The following SKAP1 variants were observed in gnomAD, a reference collection of about 807,000 sequenced individuals.
SKAP1 encodes src kinase associated phosphoprotein 1.
In SKAP1, 44 loss-of-function variants were observed where a neutral mutation model predicts 58.5. The observed-to-expected ratio is 0.75, with a 90% CI of 0.59 to 0.97. SKAP1 has a LOEUF of 0.97. Ranked by LOEUF, SKAP1 falls within the 50% of genes least tolerant of loss-of-function variation. The pLI, the probability that SKAP1 is intolerant of heterozygous loss-of-function variation, is 0.00. For synonymous variants in SKAP1, 127 were observed against 149.7 expected (o/e 0.85, Z 1.11); for missense variants, 390 against 435.2 (o/e 0.90, Z 0.92).
intron 9 of SKAP1, among the ~76,000 whole-genome samples, chr17:48,172,758 C>T (rs2064234025): frequency 6.6e-6 from 1 of 152,000 alleles, no homozygotes; most frequent in Non-Finnish European, 1.5e-5. Flanking sequence ...GTTTATAGGG[C>T]AATATGAGTT....
chr17:48,417,375 T>A (rs936000635), intron 1 of SKAP1, among the ~76,000 whole-genome samples: 1 of 152,252 alleles, frequency 6.6e-6, no homozygotes, highest in African/African-American at 2.4e-5. Flanking sequence ...AAGTTTTAAC[T>A]AGCAGCTAGC....
intron 1 of SKAP1, among the ~76,000 whole-genome samples, chr17:48,400,579 G>A (rs938691443): frequency 2.0e-5 from 3 of 151,554 alleles, no homozygotes; most frequent in African/African-American, 4.8e-5. Flanking sequence ...ATGAAACCCC[G>A]CCTCTACAAA....
chr17:48,288,572 G>A (rs1243033973), intron 4 of SKAP1, among the ~76,000 whole-genome samples: 1 of 152,120 alleles, frequency 6.6e-6, no homozygotes, highest in Non-Finnish European at 1.5e-5. Flanking sequence ...TGTAGTCCCA[G>A]CTACTCGGGA....
chr17:48,382,104 T>C (rs1223912377), intron 2 of SKAP1, among the ~76,000 whole-genome samples: 1 of 151,794 alleles, frequency 6.6e-6, no homozygotes, highest in East Asian at 1.9e-4. Context: ...CTCACACACC[T>C]GTTGTAAGGA....
intron 4 of SKAP1, among the ~76,000 whole-genome samples, chr17:48,211,704 G>A (rs1409822904): frequency 6.6e-6 from 1 of 152,198 alleles, no homozygotes; most frequent in Non-Finnish European, 1.5e-5. Flanking sequence ...TGAGCCTGAT[G>A]AAATCAAGGG....
intron 4 of SKAP1, among the ~76,000 whole-genome samples, chr17:48,213,801 C>CT (rs1244368694): frequency 3.3e-5 from 5 of 152,154 alleles, no homozygotes; most frequent in African/African-American, 1.2e-4. Flanking sequence ...CAGAGGAAGA[C>CT]TTTTTTCCCT....
intron 4 of SKAP1, among the ~76,000 whole-genome samples, chr17:48,198,526 A>T (rs1331147805): frequency 6.6e-6 from 1 of 150,524 alleles, no homozygotes; most frequent in Admixed American, 6.7e-5. Context: ...CTGCATTCTG[A>T]TACGCTTTCT....
intron 2 of SKAP1, among the ~76,000 whole-genome samples, chr17:48,378,668 G>T (rs2067179372): frequency 6.6e-6 from 1 of 151,904 alleles, no homozygotes; most frequent in African/African-American, 2.4e-5. Flanking sequence ...ATGATCCTTT[G>T]AGGCTCAGCT....
chr17:48,161,752 A>G (rs988966196), intron 11 of SKAP1, among the ~76,000 whole-genome samples: 6 of 152,170 alleles, frequency 3.9e-5, no homozygotes, highest in Non-Finnish European at 8.8e-5. Flanking sequence ...CTCCTCCCCC[A>G]TACATAATTA....
chr17:48,353,806 A>G (rs964087198), intron 3 of SKAP1, among the ~76,000 whole-genome samples: 5 of 151,582 alleles, frequency 3.3e-5, no homozygotes, highest in African/African-American at 1.2e-4. Context: ...TGAGGCAGAG[A>G]GAATTGCTTA....
chr17:48,249,971 G>C (rs2065343210), intron 4 of SKAP1, among the ~76,000 whole-genome samples: 1 of 151,682 alleles, frequency 6.6e-6, no homozygotes, highest in Non-Finnish European at 1.5e-5. Context: ...AAAGCTTGCT[G>C]GTTGGAGCTG....
intron 4 of SKAP1, among the ~76,000 whole-genome samples, chr17:48,272,395 G>A (rs9904494): frequency 0.092 from 13,965 of 151,860 alleles, 975 homozygotes; most frequent in African/African-American, 0.17. Context: ...GCCTCCCAGG[G>A]TGCTGGGATT....
chr17:48,326,483 G>C (rs2066438344), intron 4 of SKAP1, among the ~76,000 whole-genome samples: 1 of 152,200 alleles, frequency 6.6e-6, no homozygotes, highest in African/African-American at 2.4e-5. Context: ...AAGGTTGTCT[G>C]TCATTGGAAC....
At chr17:48,378,307 C>T (rs1296625144) in intron 2 of SKAP1, among the ~76,000 whole-genome samples, 1 of 152,184 alleles carries the variant, frequency 6.6e-6, no homozygotes, top group East Asian at 1.9e-4. Flanking sequence ...CCCAGCTCCT[C>T]CATCTTCTAG....
intron 4 of SKAP1, among the ~76,000 whole-genome samples, chr17:48,304,809 G>A (rs1449712866): frequency 2.0e-5 from 3 of 152,178 alleles, no homozygotes; most frequent in African/African-American, 7.2e-5. Flanking sequence ...GAGCTAGGAA[G>A]TCATTGAATT....
At chr17:48,440,834 G>A in the SKAP1 span, among the ~76,000 whole-genome samples, 4 of 152,204 alleles carry the variant, frequency 2.6e-5, no homozygotes, top group Non-Finnish European at 4.4e-5. Context: ...AAACCAGGAT[G>A]CATTTTTTCT....
chr17:48,341,635 T>C (rs1276053528), intron 4 of SKAP1, among the ~76,000 whole-genome samples: 1 of 152,172 alleles, frequency 6.6e-6, no homozygotes, highest in African/African-American at 2.4e-5. Flanking sequence ...TCCTTTTAAA[T>C]CAACAAGTAT....
At chr17:48,322,870 C>G (rs1218942135) in intron 4 of SKAP1, among the ~76,000 whole-genome samples, 2 of 152,164 alleles carry the variant, frequency 1.3e-5, no homozygotes, top group East Asian at 3.9e-4. Context: ...CCAAGGCGAG[C>G]AGATCACCTG....
At chr17:48,379,685 T>C (rs12945429) in intron 2 of SKAP1, among the ~76,000 whole-genome samples, 33 of 106,168 alleles carry the variant, frequency 3.1e-4, no homozygotes, top group East Asian at 5.2e-4. Flanking sequence ...TCTTCTTCTT[T>C]TTTTTTTTTT....
Sources: gnomAD v4.1 joint callset for allele counts (sites outside exome capture counted in the v4.1 genomes callset) on GRCh38, gnomAD v4.1.1 for gene constraint, MANE v1.5 for transcripts, NCBI Gene and HGNC (gene_info 2026-07-23, HGNC 2026-07-21) for gene names.